ZNF365: variants seen among roughly 807,000 people sequenced by gnomAD.
The protein encoded by ZNF365 is protein ZNF365.
Under a neutral mutation model 35.0 loss-of-function variants are expected in ZNF365, and 22 were observed. That is an observed-to-expected ratio of 0.63 (90% confidence interval 0.45 to 0.90). The LOEUF (loss-of-function observed/expected upper bound fraction) is 0.90. Ranked by LOEUF, ZNF365 falls within the 40% of genes least tolerant of loss-of-function variation. The pLI is 0.00. For synonymous variants in ZNF365, 188 were observed against 196.2 expected (o/e 0.96, Z 0.35); for missense variants, 448 against 500.3 (o/e 0.90, Z 1.00).
chr10:62,377,646 G>A (rs1023127736), intron 2 of ZNF365, among the ~76,000 whole-genome samples: 6 of 152,104 alleles, frequency 3.9e-5, no homozygotes, highest in African/African-American at 1.4e-4. Flanking sequence ...GATCATAGAA[G>A]CTATTGCTTG....
chr10:62,471,806 A>T (rs1277164492), intron 4 of ZNF365, among the ~76,000 whole-genome samples: 1 of 152,216 alleles, frequency 6.6e-6, no homozygotes, highest in African/African-American at 2.4e-5. Context: ...TGTAAACATA[A>T]CTTGAACATG....
chr10:62,457,471 A>ATGTGAG (rs1160053059), intron 3 of ZNF365, among the ~76,000 whole-genome samples: 5 of 152,232 alleles, frequency 3.3e-5, no homozygotes, highest in Admixed American at 6.5e-5. Flanking sequence ...TTGCCAAAGC[A>ATGTGAG]TGTGAGCTAA....
In ZNF365 at chr10:62,400,316, T is replaced by G; in HGVS notation, c.*527T>G. 2.0e-6 allele frequency: 2 copies of G among 986,622 alleles called. No individual in the cohort carries two copies. The highest frequency in any genetic ancestry group is 2.4e-6 in the Non-Finnish European group (2 of 830,394). 61.1% of individuals were successfully genotyped at this position (986,622 alleles called of 1,614,324 possible). A position where few individuals can be genotyped will look rare whatever the true frequency, so the allele number is the denominator to read the frequency against. ...AAGGATTCCCATTCCCCGAGTATTC[T>G]GGTTAATCAAGATTTCAATTTCTGG... On this transcript the variant is annotated 3_prime_UTR_variant, in exon 5 of 5. Transcript: ENST00000395254.
chr10:62,479,957 G>A, exon 5 of ZNF365: 1 of 1,607,708 alleles, frequency 6.2e-7, no homozygotes, highest in Admixed American at 1.7e-5. Context: ...CAAATTAATT[G>A]TGCCAGAGAA....
Position 62,388,534 on chromosome 10 carries a change from C to T in ZNF365, c.882C>T (p.Ser294=), listed in dbSNP as rs1436972158. 6.2e-7 allele frequency: 1 copy of T among 1,613,996 alleles called. No homozygotes were observed. The highest frequency in any genetic ancestry group is 8.5e-7 in the Non-Finnish European group (1 of 1,180,044). The change falls in exon 3 of 5, where the codon AGC becomes AGT. Residue 294 remains serine, a synonymous_variant. Transcript: ENST00000395254. Reference sequence around the variant, plus strand: ...AGAAGCAGCTTGAGTACTATCAGAGCCAGCAGGCCTCTGGCTTTGTCCGTG... The same window carrying T: ...AGAAGCAGCTTGAGTACTATCAGAGTCAGCAGGCCTCTGGCTTTGTCCGTG... The part of the protein sequence containing the change: ...LAEKQLEYYQ[S]QQASGFVRDL...
intron 4 of ZNF365, among the ~76,000 whole-genome samples, chr10:62,465,858 G>A (rs924164369): frequency 6.6e-6 from 1 of 152,202 alleles, no homozygotes; most frequent in African/African-American, 2.4e-5. Flanking sequence ...CCAGACTGTG[G>A]AAGTGAAGCA....
At chr10:62,411,162 G>T (rs1274400010) in intron 3 of ZNF365, among the ~76,000 whole-genome samples, 1 of 152,100 alleles carries the variant, frequency 6.6e-6, no homozygotes, top group Non-Finnish European at 1.5e-5. Context: ...TAAGTTCCTT[G>T]TGGACTCTGG....
At chr10:62,454,796 A>G (rs1416031915) in intron 3 of ZNF365, among the ~76,000 whole-genome samples, 4 of 152,176 alleles carry the variant, frequency 2.6e-5, no homozygotes, top group Non-Finnish European at 5.9e-5. Flanking sequence ...AAGATGCCAC[A>G]CCCTCAAGGA....
At chr10:62,457,728 T>A (rs1266500440) in intron 3 of ZNF365, among the ~76,000 whole-genome samples, 1 of 152,222 alleles carries the variant, frequency 6.6e-6, no homozygotes, top group African/African-American at 2.4e-5. Context: ...TATTTATGAA[T>A]GAAGGGCTAG....
intron 4 of ZNF365, among the ~76,000 whole-genome samples, chr10:62,475,106 A>G (rs1841106447): frequency 6.6e-6 from 1 of 152,200 alleles, no homozygotes; most frequent in African/African-American, 2.4e-5. Context: ...CTGGCAAGAC[A>G]TGGCCTTTCT....
At chr10:62,412,198 T>A (rs1454988850) in intron 3 of ZNF365, among the ~76,000 whole-genome samples, 1 of 152,084 alleles carries the variant, frequency 6.6e-6, no homozygotes, top group Non-Finnish European at 1.5e-5. Context: ...CAAGATTATC[T>A]CAATAGATGC....
intron 3 of ZNF365, among the ~76,000 whole-genome samples, chr10:62,412,625 A>G (rs1259529887): frequency 6.6e-6 from 1 of 152,126 alleles, no homozygotes; most frequent in Admixed American, 6.6e-5. Flanking sequence ...TAACATTCCA[A>G]TACACCAACA....
intron 4 of ZNF365, among the ~76,000 whole-genome samples, chr10:62,468,887 A>T (rs1237360732): frequency 2.6e-5 from 4 of 152,256 alleles, no homozygotes; most frequent in Non-Finnish European, 5.9e-5. Context: ...GCCCAGATCA[A>T]CTGTAGAAAG....
At chr10:62,399,044 T>C (rs1839778943) in intron 4 of ZNF365, among the ~76,000 whole-genome samples, 1 of 152,224 alleles carries the variant, frequency 6.6e-6, no homozygotes, top group African/African-American at 2.4e-5. Flanking sequence ...TAACTTTCTC[T>C]TATTGAGGTA....
At chr10:62,475,420 T>C (rs1454348747) in intron 4 of ZNF365, among the ~76,000 whole-genome samples, 1 of 152,210 alleles carries the variant, frequency 6.6e-6, no homozygotes, top group African/African-American at 2.4e-5. Context: ...AGGGAGACCC[T>C]GTCTCTAAAT....
At chr10:62,407,604 C>T (rs910380899) in intron 3 of ZNF365, among the ~76,000 whole-genome samples, 1 of 149,334 alleles carries the variant, frequency 6.7e-6, no homozygotes, top group African/African-American at 2.5e-5. Context: ...CCTCTCCTCT[C>T]CTCACTCGGT....
At chr10:62,469,052 C>T (rs1840990064) in intron 4 of ZNF365, among the ~76,000 whole-genome samples, 1 of 152,138 alleles carries the variant, frequency 6.6e-6, no homozygotes, top group Non-Finnish European at 1.5e-5. Context: ...TGGAAGCGAC[C>T]CATTCACAGC....
chr10:62,404,549 A>AT (rs1312352234), downstream of ZNF365, among the ~76,000 whole-genome samples: 2 of 152,180 alleles, frequency 1.3e-5, no homozygotes, highest in Non-Finnish European at 2.9e-5. Flanking sequence ...GAACCATGAA[A>AT]TCAGGAAAAT....
intron 3 of ZNF365, among the ~76,000 whole-genome samples, chr10:62,427,089 C>T (rs527477161): frequency 6.6e-6 from 1 of 152,310 alleles, no homozygotes; most frequent in African/African-American, 2.4e-5. Context: ...TCCTAACATC[C>T]TAGCGCAACA....
Sources: gnomAD v4.1 joint callset for allele counts (sites outside exome capture counted in the v4.1 genomes callset) on GRCh38, gnomAD v4.1.1 for gene constraint, MANE v1.5 for transcripts, NCBI Gene and HGNC (gene_info 2026-07-23, HGNC 2026-07-21) for gene names.